FSTL5: variants seen among roughly 807,000 people sequenced by gnomAD.
FSTL5 encodes follistatin-related protein 5.
Under a neutral mutation model 89.1 loss-of-function variants are expected in FSTL5, and 62 were observed. That is an observed-to-expected ratio of 0.70 (90% confidence interval 0.57 to 0.86). The LOEUF (loss-of-function observed/expected upper bound fraction) is 0.86. Ranked by LOEUF, FSTL5 falls within the 40% of genes least tolerant of loss-of-function variation. FSTL5 has a pLI of 0.00. For missense variants in FSTL5, 1,057 were observed against 1,001.6 expected (o/e 1.06, Z -0.75); for synonymous variants, 383 against 346.2 (o/e 1.11, Z -1.18).
intron 7 of FSTL5, among the ~76,000 whole-genome samples, chr4:161,600,059 A>G (rs1734169669): frequency 6.6e-6 from 1 of 151,934 alleles, no homozygotes; most frequent in Non-Finnish European, 1.5e-5. Flanking sequence ...TACAAAATTC[A>G]AAACTAGGTC....
At chr4:162,111,926 T>G (rs756921750) in intron 1 of FSTL5, among the ~76,000 whole-genome samples, 4 of 152,172 alleles carry the variant, frequency 2.6e-5, no homozygotes, top group Non-Finnish European at 5.9e-5. Flanking sequence ...GTTATGCAGG[T>G]GGATTATATT....
intron 7 of FSTL5, among the ~76,000 whole-genome samples, chr4:161,653,244 A>G (rs1036858251): frequency 6.6e-6 from 1 of 152,120 alleles, no homozygotes; most frequent in African/African-American, 2.4e-5. Flanking sequence ...CACATACTGA[A>G]ATTGGCCTAT....
intron 13 of FSTL5, among the ~76,000 whole-genome samples, chr4:161,473,031 C>A (rs2126438239): frequency 6.6e-6 from 1 of 152,174 alleles, no homozygotes; most frequent in Admixed American, 6.5e-5. Flanking sequence ...CTGTGTCTAA[C>A]TTTTAAAATC....
chr4:161,439,602 G>C (rs1056719464), intron 15 of FSTL5, among the ~76,000 whole-genome samples: 1 of 152,112 alleles, frequency 6.6e-6, no homozygotes. Flanking sequence ...ACTTAATTGT[G>C]ACTTATTTGT....
chr4:161,388,367 T>G (rs1730714787), intron 15 of FSTL5: 1 of 152,080 alleles, frequency 6.6e-6, no homozygotes, highest in Non-Finnish European at 1.5e-5. Flanking sequence ...TTCATTAAAA[T>G]ATTAATGCCT....
intron 4 of FSTL5, among the ~76,000 whole-genome samples, chr4:161,837,036 T>G (rs59698762): frequency 0.09 from 13,706 of 152,060 alleles, 771 homozygotes; most frequent in African/African-American, 0.16. Context: ...GACCTATGAG[T>G]CTAAAAACTC....
chr4:162,107,100 T>A (rs1175267306), intron 2 of FSTL5, among the ~76,000 whole-genome samples: 2 of 152,218 alleles, frequency 1.3e-5, no homozygotes, highest in Admixed American at 6.5e-5. Context: ...AAGCCTATGT[T>A]ACTATCACAT....
At chr4:162,055,215 C>A (rs1738499066) in intron 2 of FSTL5, among the ~76,000 whole-genome samples, 1 of 151,442 alleles carries the variant, frequency 6.6e-6, no homozygotes, top group Non-Finnish European at 1.5e-5. Flanking sequence ...TAGAGTTTTG[C>A]CTGGTTGTGA....
intron 14 of FSTL5, among the ~76,000 whole-genome samples, chr4:161,458,502 A>T (rs979340551): frequency 2.6e-5 from 4 of 152,228 alleles, no homozygotes; most frequent in Non-Finnish European, 1.5e-5. Flanking sequence ...TTCATTTAAA[A>T]GAATTTATTT....
At chr4:161,606,549 G>T (rs1734451366) in intron 7 of FSTL5, among the ~76,000 whole-genome samples, 1 of 152,086 alleles carries the variant, frequency 6.6e-6, no homozygotes. Flanking sequence ...GTGAAGTAAT[G>T]TGTCATGTAT....
chr4:161,713,660 A>C (rs561426692), intron 6 of FSTL5, among the ~76,000 whole-genome samples: 2 of 152,194 alleles, frequency 1.3e-5, no homozygotes, highest in African/African-American at 4.8e-5. Flanking sequence ...ACACACACAC[A>C]CACCCCTACA....
chr4:161,655,095 T>C (rs1736469760), intron 7 of FSTL5, among the ~76,000 whole-genome samples: 1 of 152,166 alleles, frequency 6.6e-6, no homozygotes, highest in African/African-American at 2.4e-5. Context: ...GAATACATTA[T>C]GACATGTTGA....
chr4:162,137,281 C>T (rs1732556847), intron 1 of FSTL5, among the ~76,000 whole-genome samples: 1 of 152,050 alleles, frequency 6.6e-6, no homozygotes, highest in Non-Finnish European at 1.5e-5. Context: ...CTCTATCAGC[C>T]ATTTCCTAGG....
intron 2 of FSTL5, among the ~76,000 whole-genome samples, chr4:162,069,150 C>T (rs945497231): frequency 6.6e-6 from 1 of 151,822 alleles, no homozygotes; most frequent in South Asian, 2.1e-4. Flanking sequence ...TCCTCAAAGA[C>T]CTAGAATCAT....
intron 15 of FSTL5, among the ~76,000 whole-genome samples, chr4:161,438,743 A>T (rs1273505970): frequency 6.6e-6 from 1 of 152,134 alleles, no homozygotes; most frequent in Non-Finnish European, 1.5e-5. Flanking sequence ...AGTAACTATG[A>T]TATTGCAAAT....
chr4:162,012,614 G>A (rs77359350), intron 3 of FSTL5, among the ~76,000 whole-genome samples: 16,238 of 152,012 alleles, frequency 0.11, 905 homozygotes, highest in Non-Finnish European at 0.13. Flanking sequence ...CCTGCCAAAT[G>A]ATTTTTGGTA....
intron 7 of FSTL5, among the ~76,000 whole-genome samples, chr4:161,611,696 T>G (rs569281013): frequency 4.9e-4 from 75 of 152,174 alleles, no homozygotes; most frequent in African/African-American, 1.8e-3. Flanking sequence ...GTGCAACAAT[T>G]ATGGTAGGAA....
At chr4:161,693,837 G>A (rs982747674) in intron 6 of FSTL5, among the ~76,000 whole-genome samples, 1 of 151,110 alleles carries the variant, frequency 6.6e-6, no homozygotes, top group Non-Finnish European at 1.5e-5. Flanking sequence ...ACGGGTTTTC[G>A]CCATGCTAGC....
chr4:161,950,040 T>G (rs1019659271), intron 3 of FSTL5, among the ~76,000 whole-genome samples: 8 of 152,098 alleles, frequency 5.3e-5, no homozygotes, highest in Non-Finnish European at 1.0e-4. Context: ...AATAATATCT[T>G]CAGTGATGGC....
Sources: allele counts gnomAD v4.1 joint callset (sites outside exome capture counted in the v4.1 genomes callset), GRCh38; gene constraint gnomAD v4.1.1; transcripts MANE v1.5; gene names NCBI Gene and HGNC (gene_info 2026-07-23, HGNC 2026-07-21).